TSNARE1: variants seen among roughly 807,000 people sequenced by gnomAD.
The protein encoded by TSNARE1 is t-SNARE domain-containing protein 1.
TSNARE1 carries 49 observed loss-of-function variants against 62.0 expected under a neutral mutation model. That is an observed-to-expected ratio of 0.79 (90% CI 0.63 to 1.00). The LOEUF (loss-of-function observed/expected upper bound fraction) is 1.00, where lower values mean the gene tolerates loss of function less well. TSNARE1 is among the 50% of genes least tolerant of loss of function. The probability of loss-of-function intolerance (pLI) is 0.00; values close to 1 mark genes in which losing one functional copy is unlikely to be tolerated. For missense variants in TSNARE1, 755 were observed against 700.1 expected, an observed-to-expected ratio of 1.08 and a Z score of -0.88; for synonymous variants, 328 against 294.4, an observed-to-expected ratio of 1.11 and a Z score of -1.17.
rs192041320 is a variant in TSNARE1 at position 142,347,666 on chromosome 8, C to T, written c.89-1774G>A. Among the ~76,000 whole-genome samples the T allele has an allele frequency of 1.3e-3, 198 of 151,378 alleles. 1 individual carries two copies. Among genetic ancestry groups the T allele is most frequent in the Non-Finnish European group, 1.6e-3 (107 of 67,878 alleles). On this transcript the variant is annotated intron_variant, in intron 2 of 13. Coordinates refer to ENST00000524325, the MANE Select transcript of TSNARE1 (RefSeq NM_145003.5). ...CGCCATCACCTCGCCACACTGCATC[C>T]GCTCACCCAAGTCCAGAAGGACACG... is the stretch of plus-strand genomic sequence containing the variant.
At chr8:142,387,651 G>A (rs1373319683) in intron 1 of TSNARE1, among the ~76,000 whole-genome samples, 1 of 152,050 alleles carries the variant, frequency 6.6e-6, no homozygotes, top group Non-Finnish European at 1.5e-5. Flanking sequence ...CAAACAGGAT[G>A]AAATTGATAA....
chr8:142,387,027 T>G (rs1837159781), intron 1 of TSNARE1, among the ~76,000 whole-genome samples: 1 of 152,120 alleles, frequency 6.6e-6, no homozygotes, highest in Admixed American at 6.5e-5. Context: ...CCAGCCTCAG[T>G]GGAACAATGA....
At chr8:142,393,806 C>T (rs2131398479) in intron 1 of TSNARE1, among the ~76,000 whole-genome samples, 1 of 152,336 alleles carries the variant, frequency 6.6e-6, no homozygotes, top group South Asian at 2.1e-4. Flanking sequence ...ACAGCACAAG[C>T]TGCCTGGCTA....
At chr8:142,245,308 G>A (rs933796339) in intron 12 of TSNARE1, among the ~76,000 whole-genome samples, 5 of 152,208 alleles carry the variant, frequency 3.3e-5, no homozygotes, top group Non-Finnish European at 5.9e-5. Context: ...CTGAGACCCA[G>A]GGATCACACT....
At chr8:142,265,940 G>A (rs774486010) in intron 12 of TSNARE1, among the ~76,000 whole-genome samples, 2 of 152,184 alleles carry the variant, frequency 1.3e-5, no homozygotes, top group Non-Finnish European at 2.9e-5. Flanking sequence ...AAATTAGAGA[G>A]CTTTTTATAT....
At chr8:142,381,251 G>T (rs558945223) in intron 1 of TSNARE1, among the ~76,000 whole-genome samples, 1 of 152,214 alleles carries the variant, frequency 6.6e-6, no homozygotes, top group African/African-American at 2.4e-5. Flanking sequence ...GGTCCCTGTC[G>T]GGCCATGGGC....
intron 13 of TSNARE1, 25 bp downstream of exon 13, chr8:142,229,448 G>T: frequency 6.4e-7 from 1 of 1,552,402 alleles, no homozygotes; most frequent in East Asian, 2.2e-5. Context: ...TGAATGGATG[G>T]TGTACGGGTA....
At chr8:142,259,158 C>T (rs942956722) in intron 12 of TSNARE1, among the ~76,000 whole-genome samples, 1 of 152,222 alleles carries the variant, frequency 6.6e-6, no homozygotes. Context: ...AGGATGGGCA[C>T]GTTGTCTGAG....
chr8:142,251,587 G>C (rs1206427770), intron 12 of TSNARE1, among the ~76,000 whole-genome samples: 2 of 152,178 alleles, frequency 1.3e-5, no homozygotes, highest in Non-Finnish European at 2.9e-5. Flanking sequence ...ATCAGGCCCT[G>C]GTCACATTCC....
At chr8:142,361,532 C>T (rs1183250915) in intron 1 of TSNARE1, among the ~76,000 whole-genome samples, 5 of 152,200 alleles carry the variant, frequency 3.3e-5, no homozygotes, top group Admixed American at 3.3e-4. Context: ...GGCCAGGGCA[C>T]GGGCGACCTG....
intron 6 of TSNARE1, among the ~76,000 whole-genome samples, chr8:142,329,955 A>T (rs1357683052): frequency 1.3e-5 from 2 of 152,202 alleles, no homozygotes; most frequent in Non-Finnish European, 2.9e-5. Context: ...CGCCGTGAGG[A>T]GGAGCAGAGA....
chr8:142,215,255 G>A (rs865810789), intron 13 of TSNARE1, among the ~76,000 whole-genome samples: 9 of 152,316 alleles, frequency 5.9e-5, no homozygotes, highest in South Asian at 2.1e-4. Context: ...AGCTGTGTTC[G>A]GAGGCACCCC....
chr8:142,372,059 C>T (rs111632729), intron 1 of TSNARE1, among the ~76,000 whole-genome samples: 1,604 of 152,224 alleles, frequency 0.011, 16 homozygotes, highest in East Asian at 0.021. Context: ...ACCAAGGAGA[C>T]GAAGGCTGTG....
At chr8:142,241,008 T>A (rs1429772406) in intron 12 of TSNARE1, among the ~76,000 whole-genome samples, 2 of 152,158 alleles carry the variant, frequency 1.3e-5, no homozygotes, top group African/African-American at 4.8e-5. Flanking sequence ...GCACTGAAAG[T>A]CCTCGCCAGT....
chr8:142,328,983 C>G (rs1830643175), intron 6 of TSNARE1, among the ~76,000 whole-genome samples: 1 of 152,216 alleles, frequency 6.6e-6, no homozygotes, highest in South Asian at 2.1e-4. Flanking sequence ...TCCTACACTG[C>G]AGGGCTGGAA....
At chr8:142,343,445 T>C (rs1329262801) in intron 4 of TSNARE1, among the ~76,000 whole-genome samples, 1 of 151,506 alleles carries the variant, frequency 6.6e-6, no homozygotes, top group Non-Finnish European at 1.5e-5. Flanking sequence ...TCTCGGTGTG[T>C]GTGTCTACCC....
chr8:142,330,860 A>G, intron 6 of TSNARE1, 41 bp downstream of exon 6: 1 of 1,607,086 alleles, frequency 6.2e-7, no homozygotes, highest in South Asian at 1.1e-5. Context: ...CCCAATGTGC[A>G]CCACGCCCAG....
chr8:142,355,104 TC>T (rs1046920123), intron 1 of TSNARE1, among the ~76,000 whole-genome samples: 5 of 152,192 alleles, frequency 3.3e-5, no homozygotes, highest in Non-Finnish European at 5.9e-5. Flanking sequence ...CCAGGTGGCT[TC>T]TGGGAGCGCT....
chr8:142,256,587 T>C (rs1287240760), intron 12 of TSNARE1, among the ~76,000 whole-genome samples: 82 of 138,370 alleles, frequency 5.9e-4, no homozygotes, highest in African/African-American at 2.1e-3. Context: ...ATCACCACCA[T>C]CACCATCACT....
Sources: allele counts gnomAD v4.1 joint callset (sites outside exome capture counted in the v4.1 genomes callset), GRCh38; gene constraint gnomAD v4.1.1; transcripts MANE v1.5; gene names NCBI Gene and HGNC (gene_info 2026-07-23, HGNC 2026-07-21).